Variants in UMAD1 observed in about 807,000 individuals in gnomAD.
UMAD1 encodes UBAP1-MVB12-associated (UMA)-domain containing protein 1.
UMAD1 carries 8 observed loss-of-function variants against 6.1 expected under a neutral mutation model. That is an observed-to-expected ratio of 1.30 (90% CI 0.76 to 2.35). The LOEUF is 2.35. Ranked by LOEUF, UMAD1 falls within the 30% of genes most tolerant of loss-of-function variation. The pLI is 0.00. For synonymous variants in UMAD1, 56 were observed against 31.4 expected, an observed-to-expected ratio of 1.78 and a Z score of -2.61; for missense variants, 130 against 78.4, an observed-to-expected ratio of 1.66 and a Z score of -2.49.
intron 3 of UMAD1, among the ~76,000 whole-genome samples, chr7:7,876,010 C>T (rs898606455): frequency 6.6e-6 from 1 of 152,186 alleles, no homozygotes; most frequent in Admixed American, 6.5e-5. Context: ...GCCAGGATCA[C>T]GCACTGCGCC....
At chr7:7,725,704 G>A (rs1454538289) in intron 2 of UMAD1, among the ~76,000 whole-genome samples, 1 of 152,144 alleles carries the variant, frequency 6.6e-6, no homozygotes, top group Non-Finnish European at 1.5e-5. Flanking sequence ...ATATGTGATC[G>A]GGCTTGAGCA....
At chr7:7,871,047 G>C (rs1004680917) in intron 3 of UMAD1, among the ~76,000 whole-genome samples, 7 of 152,156 alleles carry the variant, frequency 4.6e-5, no homozygotes, top group Non-Finnish European at 1.0e-4. Flanking sequence ...TCAACTCACA[G>C]ACAATTTTTC....
intron 2 of UMAD1, among the ~76,000 whole-genome samples, chr7:7,705,494 T>C (rs1024175596): frequency 6.6e-6 from 1 of 152,216 alleles, no homozygotes; most frequent in Admixed American, 6.5e-5. Flanking sequence ...TTATATTCAG[T>C]GTGTTATTAC....
chr7:7,836,034 T>A (rs959045167), intron 3 of UMAD1, among the ~76,000 whole-genome samples: 1 of 152,138 alleles, frequency 6.6e-6, no homozygotes, highest in East Asian at 1.9e-4. Flanking sequence ...TCATCCACGG[T>A]CTTGCTATTT....
At chr7:7,797,237 A>T (rs905333488) in intron 2 of UMAD1, among the ~76,000 whole-genome samples, 3 of 152,056 alleles carry the variant, frequency 2.0e-5, no homozygotes, top group Non-Finnish European at 4.4e-5. Flanking sequence ...TAGAGTGAGA[A>T]CTCATTACCA....
At chr7:7,807,453 T>C (rs1583840291) in intron 3 of UMAD1, among the ~76,000 whole-genome samples, 1 of 152,246 alleles carries the variant, frequency 6.6e-6, no homozygotes, top group African/African-American at 2.4e-5. Flanking sequence ...TAGCGTGGCC[T>C]ATGCTACATT....
chr7:7,661,680 C>A (rs1366672587), intron 1 of UMAD1, among the ~76,000 whole-genome samples: 1 of 152,196 alleles, frequency 6.6e-6, no homozygotes, highest in Non-Finnish European at 1.5e-5. Flanking sequence ...CCTCTGGAAG[C>A]TTTGTCCCAG....
chr7:7,694,598 T>C (rs1192212178), intron 2 of UMAD1, among the ~76,000 whole-genome samples: 1 of 152,024 alleles, frequency 6.6e-6, no homozygotes, highest in Non-Finnish European at 1.5e-5. Context: ...AGTTCAATTA[T>C]TTTAATTTTT....
chr7:7,865,283 T>C (rs1438666664), intron 3 of UMAD1, among the ~76,000 whole-genome samples: 1 of 152,132 alleles, frequency 6.6e-6, no homozygotes, highest in African/African-American at 2.4e-5. Context: ...ACCTGTGGGG[T>C]TTGGGCTACC....
intron 2 of UMAD1, among the ~76,000 whole-genome samples, chr7:7,790,534 G>A (rs1782548459): frequency 6.6e-6 from 1 of 152,196 alleles, no homozygotes; most frequent in Non-Finnish European, 1.5e-5. Context: ...TCCTAATGGT[G>A]ATTCACTATT....
intron 3 of UMAD1, among the ~76,000 whole-genome samples, chr7:7,819,010 C>G (rs1783187035): frequency 6.6e-6 from 1 of 152,214 alleles, no homozygotes; most frequent in South Asian, 2.1e-4. Flanking sequence ...CCACAACACC[C>G]AGCTAATTTT....
intron 2 of UMAD1, among the ~76,000 whole-genome samples, chr7:7,745,710 T>C (rs6976771): frequency 0.53 from 79,917 of 152,032 alleles, 22,580 homozygotes; most frequent in African/African-American, 0.75. Context: ...GAAGGAGACT[T>C]GAATATCACT....
At chr7:7,736,378 C>T (rs139707280) in intron 2 of UMAD1, 1 of 153,206 alleles carries the variant, frequency 6.5e-6, no homozygotes, top group Non-Finnish European at 1.5e-5. Context: ...TTCAATTTTC[C>T]ACCTCCCAAT....
intron 2 of UMAD1, among the ~76,000 whole-genome samples, chr7:7,785,109 G>A (rs1782436800): frequency 6.6e-6 from 1 of 152,066 alleles, no homozygotes; most frequent in South Asian, 2.1e-4. Context: ...GATTTTAGCG[G>A]GTTAAGAGAA....
intron 2 of UMAD1, among the ~76,000 whole-genome samples, chr7:7,791,033 G>A (rs1782557994): frequency 6.6e-6 from 1 of 152,122 alleles, no homozygotes. Flanking sequence ...GGGACCAGAG[G>A]CCCACACCAC....
intron 2 of UMAD1, among the ~76,000 whole-genome samples, chr7:7,753,907 G>A (rs567392787): frequency 2.6e-5 from 4 of 152,082 alleles, no homozygotes; most frequent in South Asian, 2.1e-4. Flanking sequence ...GTACGGGCCC[G>A]GTGTGGTGGC....
At chr7:7,647,331 A>G (rs953456474) in intron 1 of UMAD1, among the ~76,000 whole-genome samples, 3 of 152,160 alleles carry the variant, frequency 2.0e-5, no homozygotes, top group African/African-American at 7.2e-5. Flanking sequence ...ATCTGAGGGT[A>G]TGGTTTGTCT....
At chr7:7,813,353 C>G (rs573892838) in intron 3 of UMAD1, among the ~76,000 whole-genome samples, 8 of 152,210 alleles carry the variant, frequency 5.3e-5, no homozygotes, top group Non-Finnish European at 1.2e-4. Flanking sequence ...TACAGGCATG[C>G]GACACCACGC....
At chr7:7,691,461 G>T (rs28912723) in intron 2 of UMAD1, among the ~76,000 whole-genome samples, 4 of 152,112 alleles carry the variant, frequency 2.6e-5, no homozygotes, top group African/African-American at 9.7e-5. Flanking sequence ...TAAAATATCA[G>T]TATTTACTAC....
Sources: gnomAD v4.1 joint callset for allele counts (sites outside exome capture counted in the v4.1 genomes callset) on GRCh38, gnomAD v4.1.1 for gene constraint, MANE v1.5 for transcripts, NCBI Gene and HGNC (gene_info 2026-07-23, HGNC 2026-07-21) for gene names.